Variants in OPCML observed in about 807,000 individuals in gnomAD.
OPCML encodes opioid-binding protein/cell adhesion molecule.
In OPCML, 13 loss-of-function variants were observed where a neutral mutation model predicts 37.8. The ratio of observed to expected loss-of-function variants is 0.34; its 90% CI spans 0.22 to 0.55. OPCML has a LOEUF of 0.55. Among genes scored for constraint, OPCML ranks in the 20% least tolerant of loss-of-function variants. The pLI, the probability that OPCML is intolerant of heterozygous loss-of-function variation, is 0.91. For missense variants in OPCML, 341 were observed against 435.6 expected, an observed-to-expected ratio of 0.78 and a Z score of 1.93; for synonymous variants, 176 against 168.8, an observed-to-expected ratio of 1.04 and a Z score of -0.33.
intron 1 of OPCML, among the ~76,000 whole-genome samples, chr11:133,470,815 G>A (rs1947092304): frequency 6.6e-6 from 1 of 152,194 alleles, no homozygotes; most frequent in East Asian, 1.9e-4. Flanking sequence ...CTCAGGACAA[G>A]CCATGTTTGT....
intron 3 of OPCML, among the ~76,000 whole-genome samples, chr11:132,612,540 AG>A (rs1938718460): frequency 6.6e-6 from 1 of 152,106 alleles, no homozygotes; most frequent in South Asian, 2.1e-4. Context: ...AAGATGTGGG[AG>A]GGGAGAATAT....
intron 2 of OPCML, among the ~76,000 whole-genome samples, chr11:132,908,686 G>T (rs998291639): frequency 4.6e-5 from 7 of 152,206 alleles, no homozygotes; most frequent in Non-Finnish European, 1.0e-4. Context: ...CTTATTTATT[G>T]TAAACACAAA....
At chr11:133,033,377 T>C (rs915718824) in intron 1 of OPCML, among the ~76,000 whole-genome samples, 10 of 152,218 alleles carry the variant, frequency 6.6e-5, no homozygotes, top group African/African-American at 2.4e-4. Context: ...CAAGAAAAAG[T>C]AGGCTCATTT....
chr11:132,987,375 C>A (rs553331255), intron 1 of OPCML, among the ~76,000 whole-genome samples: 14 of 152,174 alleles, frequency 9.2e-5, no homozygotes, highest in Non-Finnish European at 1.8e-4. Context: ...GACCAAGGGG[C>A]CTCTGCGTGT....
chr11:132,983,121 C>T (rs1411425632), intron 1 of OPCML, among the ~76,000 whole-genome samples: 3 of 152,168 alleles, frequency 2.0e-5, no homozygotes, highest in Admixed American at 2.0e-4. Context: ...GGGAAAACAG[C>T]CCCCCTCCAG....
Position 133,151,034 on chromosome 11 carries a change from G to C in OPCML, c.62-208024C>G, listed in dbSNP as rs548556254. Among the ~76,000 whole-genome samples the C allele has an allele frequency of 1.3e-3, 198 of 152,024 alleles. 1 individual carries two copies. The highest frequency in any genetic ancestry group is 2.1e-3 in the Non-Finnish European group (145 of 67,988). On this transcript the variant is annotated intron_variant, in intron 1 of 7. Transcript: ENST00000524381. ...TCATGCCTGTAATCCCAGCACTTTG[G>C]GAGGCTGAGGTGAGCGGATCACAAG...
chr11:133,388,027 C>A (rs1007651592), intron 1 of OPCML, among the ~76,000 whole-genome samples: 1 of 152,080 alleles, frequency 6.6e-6, no homozygotes, highest in African/African-American at 2.4e-5. Context: ...AGGGGCAGAT[C>A]GTATGGGGCC....
At chr11:132,727,873 G>C (rs1944941403) in intron 2 of OPCML, among the ~76,000 whole-genome samples, 2 of 152,146 alleles carry the variant, frequency 1.3e-5, no homozygotes. Context: ...TGGCAAGGCC[G>C]AGTGCAGGCC....
In OPCML at chr11:132,592,113, A is replaced by G. The variant is rs141525808; in HGVS notation, c.380-62927T>C. Among the ~76,000 whole-genome samples the G allele has an allele frequency of 3.2e-3, 480 of 152,378 alleles. 3 individuals carry two copies. The highest frequency in any genetic ancestry group is 0.029 in the South Asian group (141 of 4,832). On this transcript the variant is annotated intron_variant, in intron 3 of 7. Transcript: ENST00000524381. ...TGTTTCCAAATAGAAAGCTATACGA[A>G]GAGCAATATCAACTCATCAAGTCAA... is the stretch of plus-strand genomic sequence containing the variant.
intron 2 of OPCML, among the ~76,000 whole-genome samples, chr11:132,843,393 T>C (rs1444356715): frequency 6.6e-6 from 1 of 152,118 alleles, no homozygotes; most frequent in Non-Finnish European, 1.5e-5. Context: ...TTCTTCAAGG[T>C]GGGCATCCAG....
chr11:133,084,315 T>C (rs1948786574), intron 1 of OPCML, among the ~76,000 whole-genome samples: 4 of 152,126 alleles, frequency 2.6e-5, no homozygotes. Flanking sequence ...TAAACATCAT[T>C]TGGTTCTTAT....
chr11:132,441,703 C>T lies in OPCML; in HGVS notation c.506-4344G>A, dbSNP rs74895321. 1.1e-3 allele frequency among the ~76,000 whole-genome samples: 174 copies of T among 152,284 alleles called. 1 individual carries two copies. The highest frequency in any genetic ancestry group is 1.5e-3 in the Non-Finnish European group (104 of 68,042). On this transcript the variant is annotated intron_variant, in intron 4 of 7. Coordinates refer to ENST00000524381, the MANE Select transcript of OPCML (RefSeq NM_001012393.5). ...AATATGTAAAAACTGAGGCTGTTTC[C>T]ATGGAAAGAGTGCCTCAAAGAAGAT...
At chr11:132,491,272 C>T (rs2096214760) in intron 4 of OPCML, among the ~76,000 whole-genome samples, 1 of 152,258 alleles carries the variant, frequency 6.6e-6, no homozygotes, top group South Asian at 2.1e-4. Context: ...AAAGCACTTA[C>T]AGCTTCCCAA....
At chr11:133,288,557 G>A (rs1008529366) in intron 1 of OPCML, among the ~76,000 whole-genome samples, 1 of 152,176 alleles carries the variant, frequency 6.6e-6, no homozygotes, top group Non-Finnish European at 1.5e-5. Context: ...GCTCACATAA[G>A]AGGAGCTCAC....
intron 1 of OPCML, among the ~76,000 whole-genome samples, chr11:133,198,811 C>T (rs1397360701): frequency 6.6e-6 from 1 of 152,198 alleles, no homozygotes; most frequent in Non-Finnish European, 1.5e-5. Context: ...TGCTTGAATG[C>T]ATGCTGTGGA....
chr11:132,581,132 C>T (rs2096461270), intron 3 of OPCML, among the ~76,000 whole-genome samples: 1 of 152,110 alleles, frequency 6.6e-6, no homozygotes, highest in Admixed American at 6.6e-5. Context: ...TGACTTGCCC[C>T]AATTCAGGTA....
chr11:132,671,210 T>C (rs1365030868), intron 2 of OPCML, among the ~76,000 whole-genome samples: 3 of 152,206 alleles, frequency 2.0e-5, no homozygotes, highest in Non-Finnish European at 2.9e-5. Flanking sequence ...TCCTGTAGAA[T>C]GTCAACTCTG....
intron 1 of OPCML, among the ~76,000 whole-genome samples, chr11:133,140,841 C>G (rs5002553): frequency 0.014 from 84 of 5,912 alleles, no homozygotes; most frequent in Middle Eastern, 0.1. Context: ...ACGAAGAAGA[C>G]GACGACGACG....
intron 1 of OPCML, among the ~76,000 whole-genome samples, chr11:133,229,033 A>C (rs1940161975): frequency 6.6e-6 from 1 of 152,148 alleles, no homozygotes; most frequent in African/African-American, 2.4e-5. Flanking sequence ...AAAAATCCAA[A>C]ACTAGGAAGA....
Sources: gnomAD v4.1 joint callset for allele counts (sites outside exome capture counted in the v4.1 genomes callset) on GRCh38, gnomAD v4.1.1 for gene constraint, MANE v1.5 for transcripts, NCBI Gene and HGNC (gene_info 2026-07-23, HGNC 2026-07-21) for gene names.